The following CDH4 variants were observed in gnomAD, a reference collection of about 807,000 sequenced individuals.
The protein encoded by CDH4 is cadherin 4, also known as cadherin-4.
CDH4 carries 33 observed loss-of-function variants against 86.0 expected under a neutral mutation model. That is an observed-to-expected ratio of 0.38 (90% CI 0.29 to 0.51). The LOEUF (loss-of-function observed/expected upper bound fraction) is 0.51. Ranked by LOEUF, CDH4 falls within the 20% of genes least tolerant of loss-of-function variation. The pLI is 0.86. For missense variants in CDH4, 1,114 were observed against 1,307.4 expected (o/e 0.85, Z 2.28); for synonymous variants, 555 against 549.4 (o/e 1.01, Z -0.14).
chr20:61,743,130 G>A (rs1260570489), intron 2 of CDH4, among the ~76,000 whole-genome samples: 1 of 152,200 alleles, frequency 6.6e-6, no homozygotes, highest in African/African-American at 2.4e-5. Context: ...TTCTTGGAGT[G>A]GAAAAACAGG....
At chr20:61,596,852 G>A (rs1600793018) in intron 2 of CDH4, among the ~76,000 whole-genome samples, 1 of 152,134 alleles carries the variant, frequency 6.6e-6, no homozygotes, top group East Asian at 1.9e-4. Context: ...CCTATTAGCA[G>A]CCTGGTGCAG....
intron 3 of CDH4, among the ~76,000 whole-genome samples, chr20:61,761,906 G>A (rs185774543): frequency 3.3e-5 from 5 of 152,170 alleles, no homozygotes; most frequent in Non-Finnish European, 4.4e-5. Flanking sequence ...CGACAGCTCC[G>A]CACAGCAGGC....
rs918255658 is a variant in CDH4, at chr20:61,501,875, G to A, written c.170-241688G>A. Among the ~76,000 whole-genome samples the A allele has an allele frequency of 3.3e-5, 5 of 152,132 alleles. No individual in the cohort carries two copies. The highest frequency in any genetic ancestry group is 3.3e-4 in the Admixed American group (5 of 15,284). Reference sequence around the variant, plus strand: ...ACGTGTGTCCTTGTATATACCTGTTGCGCCTGCGAGAACATGTTCTCCACT... The same window carrying A: ...ACGTGTGTCCTTGTATATACCTGTTACGCCTGCGAGAACATGTTCTCCACT... On this transcript the variant is annotated intron_variant, in intron 2 of 15. Coordinates refer to ENST00000614565, the MANE Select transcript of CDH4 (RefSeq NM_001794.5). This position sits in a 1 kb window ranked among gnomAD's most constrained non-coding sequence, Gnocchi z 4.2.
intron 2 of CDH4, among the ~76,000 whole-genome samples, chr20:61,591,698 C>A (rs1413658639): frequency 6.6e-6 from 1 of 152,118 alleles, no homozygotes; most frequent in Non-Finnish European, 1.5e-5. Context: ...TCTGCTAAAC[C>A]CTATTGGTTT....
At chr20:61,928,157 T>C (rs1319015328) in intron 11 of CDH4, 33 bp from the exon 12 acceptor site, 1 of 1,542,122 alleles carries the variant, frequency 6.5e-7, no homozygotes, top group Non-Finnish European at 8.9e-7. Context: ...GTACCAGGAG[T>C]GGCCCGTGTG....
rs376483639 is a variant in CDH4, at chr20:61,565,233, G to A, written c.170-178330G>A. Among the ~76,000 whole-genome samples, 197 of 46,668 alleles carry A rather than the reference G, an allele frequency of 4.2e-3. 10 individuals are homozygous for A. The highest frequency in any genetic ancestry group is 5.0e-3 in the Non-Finnish European group (120 of 24,226). The allele number at this position is 46,668 out of a possible 152,430, so 30.6% of individuals were successfully genotyped here. A position where few individuals can be genotyped will look rare whatever the true frequency, so the allele number is the denominator to read the frequency against. Reference sequence around the variant, plus strand: ...GTGCTCTCGGTGGTAGGTGGTGGTGGTGGTGGTGGCGGTGCTCTTGGTGAT... The same window carrying A: ...GTGCTCTCGGTGGTAGGTGGTGGTGATGGTGGTGGCGGTGCTCTTGGTGAT... On this transcript the variant is annotated intron_variant, in intron 2 of 15. Transcript: ENST00000614565.
At chr20:61,301,924 G>A (rs898896168) in intron 2 of CDH4, among the ~76,000 whole-genome samples, 4 of 152,212 alleles carry the variant, frequency 2.6e-5, no homozygotes, top group Non-Finnish European at 4.4e-5. Context: ...ATTAACAACC[G>A]GGGGTTTGGA....
intron 2 of CDH4, among the ~76,000 whole-genome samples, chr20:61,487,399 A>G (rs752995112): frequency 6.6e-6 from 1 of 152,104 alleles, no homozygotes; most frequent in Non-Finnish European, 1.5e-5. Context: ...TGTGATTGTT[A>G]ATGAATCATT....
At chr20:61,621,106 C>T (rs765421861) in intron 2 of CDH4, among the ~76,000 whole-genome samples, 10 of 152,180 alleles carry the variant, frequency 6.6e-5, no homozygotes, top group Non-Finnish European at 1.3e-4. Flanking sequence ...CTTAAGATGG[C>T]GCCGTCAGTA....
chr20:61,252,641 G>A lies in CDH4; in HGVS notation c.57+71G>A. Reference sequence around the variant, plus strand: ...CGGGAGGTCGTCCCCGGATCCCGCGGGGCGCTCACACACCCGGCGGGGCTC... The same window carrying A: ...CGGGAGGTCGTCCCCGGATCCCGCGAGGCGCTCACACACCCGGCGGGGCTC... On this transcript the variant is annotated intron_variant, in intron 1 of 15. Transcript: ENST00000614565. The surrounding 1 kb of genome is among the most constrained non-coding windows in gnomAD (Gnocchi z 4.4). 1.0e-6 allele frequency: 1 copy of A among 962,610 alleles called. No homozygotes were observed. Among genetic ancestry groups the A allele is most frequent in the Non-Finnish European group, 1.3e-6 (1 of 754,470 alleles). The allele number at this position is 962,610 out of a possible 1,614,324, so 59.6% of individuals were successfully genotyped here. A position where few individuals can be genotyped will look rare whatever the true frequency, so the allele number is the denominator to read the frequency against.
intron 9 of CDH4, among the ~76,000 whole-genome samples, chr20:61,922,491 G>T (rs533346287): frequency 2.8e-4 from 42 of 152,356 alleles, no homozygotes; most frequent in African/African-American, 9.9e-4. Flanking sequence ...TGCAGACCTG[G>T]CATGGTTCTG....
intron 2 of CDH4, among the ~76,000 whole-genome samples, chr20:61,608,867 C>T (rs1253390372): frequency 6.6e-6 from 1 of 152,182 alleles, no homozygotes; most frequent in Non-Finnish European, 1.5e-5. Context: ...TGTCCACCTT[C>T]CGTATGCAGA....
In CDH4 at chr20:61,630,060, C is replaced by T. The variant is rs371246213; in HGVS notation, c.170-113503C>T. Among the ~76,000 whole-genome samples, 609 of 152,276 alleles carry T rather than the reference C, an allele frequency of 4.0e-3. 6 individuals are homozygous for T. Among genetic ancestry groups the T allele is most frequent in the African/African-American group, 0.014 (566 of 41,552 alleles). On this transcript the variant is annotated intron_variant, in intron 2 of 15. Coordinates refer to ENST00000614565, the MANE Select transcript of CDH4 (RefSeq NM_001794.5). ...GCTCCCTGACACCCAGGGAGCCTGG[C>T]AGAGGCAGCATCAGCCCCAGAAGGT...
At chr20:61,390,519 ATCGTACGG>A (rs2084977437) in intron 2 of CDH4, among the ~76,000 whole-genome samples, 4 of 139,750 alleles carry the variant, frequency 2.9e-5, no homozygotes, top group Admixed American at 1.4e-4. Flanking sequence ...CCCAATTGAG[ATCGTACGG>A]TCATAGGGTG....
At chr20:61,613,332 G>A (rs1209987191) in intron 2 of CDH4, among the ~76,000 whole-genome samples, 2 of 152,132 alleles carry the variant, frequency 1.3e-5, no homozygotes, top group Non-Finnish European at 2.9e-5. Context: ...AGTTTCTGAA[G>A]TAGCTCATCT....
rs11481455 is a variant in CDH4, at chr20:61,937,249, G to GAAAAAAAAAA, written c.*313_*322dup. Reference sequence around the variant, plus strand: ...AAAAAAAAAAAAAAGAAGAAAGAAAGAAAAAAAAAAAAAAAAGAAAGTGCC... The same window carrying GAAAAAAAAAA: ...AAAAAAAAAAAAAAGAAGAAAGAAAGAAAAAAAAAAAAAAAAAAAAAAAAAAGAAAGTGCC... On this transcript the variant is annotated 3_prime_UTR_variant, in exon 16 of 16. Transcript: ENST00000614565. 14 of 109,690 alleles carry GAAAAAAAAAA rather than the reference G, an allele frequency of 1.3e-4. No homozygotes were observed. The highest frequency in any genetic ancestry group is 2.7e-4 in the African/African-American group (8 of 29,102). 6.8% of individuals were successfully genotyped at this position (109,690 alleles called of 1,614,324 possible).
intron 2 of CDH4, among the ~76,000 whole-genome samples, chr20:61,500,810 A>G (rs564112086): frequency 1.3e-5 from 2 of 152,340 alleles, no homozygotes; most frequent in South Asian, 2.1e-4. Context: ...ATAGCCTCAC[A>G]GCCCATCCAG....
intron 2 of CDH4, among the ~76,000 whole-genome samples, chr20:61,346,953 C>T (rs1437459909): frequency 2.0e-5 from 3 of 152,072 alleles, no homozygotes; most frequent in Non-Finnish European, 2.9e-5. Context: ...TGCTTGCTCC[C>T]CTGCAGATTG....
chr20:61,736,632 G>A (rs1568786771), intron 2 of CDH4, among the ~76,000 whole-genome samples: 3 of 149,144 alleles, frequency 2.0e-5, no homozygotes, highest in Admixed American at 6.8e-5. Flanking sequence ...GGGAGGGAGG[G>A]AGGAAGGAAG....
Sources: allele counts gnomAD v4.1 joint callset (sites outside exome capture counted in the v4.1 genomes callset), GRCh38; gene constraint gnomAD v4.1.1; non-coding constraint Gnocchi (gnomAD v3.1); transcripts MANE v1.5; gene names NCBI Gene and HGNC (gene_info 2026-07-23, HGNC 2026-07-21).